ALCAM: variants seen among roughly 807,000 people sequenced by gnomAD.
The protein encoded by ALCAM is CD166 antigen.
ALCAM carries 30 observed loss-of-function variants against 70.9 expected under a neutral mutation model. The ratio of observed to expected loss-of-function variants is 0.42; its 90% CI spans 0.32 to 0.57. The LOEUF (loss-of-function observed/expected upper bound fraction) is 0.57, where lower values mean the gene tolerates loss of function less well. Ranked by LOEUF, ALCAM falls within the 20% of genes least tolerant of loss-of-function variation. ALCAM has a pLI of 0.11. For missense variants in ALCAM, 591 were observed against 695.1 expected (o/e 0.85, Z 1.68); for synonymous variants, 249 against 242.5 (o/e 1.03, Z -0.25).
At chr3:105,567,650 C>T (rs1490233096) in intron 14 of ALCAM, among the ~76,000 whole-genome samples, 1 of 152,090 alleles carries the variant, frequency 6.6e-6, no homozygotes, top group Non-Finnish European at 1.5e-5. Context: ...ACATTTTTTG[C>T]TGCTGATATT....
At chr3:105,524,828 T>C in intron 3 of ALCAM, 3 of 1,084,726 alleles carry the variant, frequency 2.8e-6, no homozygotes, top group Middle Eastern at 8.4e-4. Flanking sequence ...TACAAATAAG[T>C]GTTGTGTGAT....
At chr3:105,468,640 CT>C (rs1397053905) in intron 1 of ALCAM, among the ~76,000 whole-genome samples, 1 of 151,172 alleles carries the variant, frequency 6.6e-6, no homozygotes, top group Non-Finnish European at 1.5e-5. Context: ...TTTCTGTTCC[CT>C]TTCTGAAAAA....
intron 1 of ALCAM, among the ~76,000 whole-genome samples, chr3:105,421,043 A>G (rs533454564): frequency 5.4e-4 from 82 of 151,636 alleles, no homozygotes; most frequent in Non-Finnish European, 8.0e-4. Context: ...AATGATCTAT[A>G]GTAAATATTT....
chr3:105,542,616 T>C (rs1940146839), intron 8 of ALCAM, among the ~76,000 whole-genome samples: 1 of 151,878 alleles, frequency 6.6e-6, no homozygotes, highest in South Asian at 2.1e-4. Flanking sequence ...CTAGACATCA[T>C]CCACTACAAT....
chr3:105,566,145 G>A (rs994243713), intron 14 of ALCAM, among the ~76,000 whole-genome samples: 2 of 152,176 alleles, frequency 1.3e-5, no homozygotes, highest in Non-Finnish European at 2.9e-5. Flanking sequence ...AGCTAGCCCA[G>A]TGAAGCAACT....
chr3:105,404,985 G>C (rs1024563967), intron 1 of ALCAM, among the ~76,000 whole-genome samples: 1 of 151,984 alleles, frequency 6.6e-6, no homozygotes, highest in African/African-American at 2.4e-5. Flanking sequence ...AGTTAAAAAA[G>C]ACAAAGAGGG....
intron 1 of ALCAM, among the ~76,000 whole-genome samples, chr3:105,454,808 A>G (rs961360101): frequency 1.3e-5 from 2 of 151,686 alleles, no homozygotes; most frequent in African/African-American, 2.4e-5. Context: ...AGCTGGGACT[A>G]CAAGCACCAC....
At chr3:105,522,878 G>A (rs1443986668) in intron 2 of ALCAM, among the ~76,000 whole-genome samples, 15 of 152,152 alleles carry the variant, frequency 9.9e-5, no homozygotes, top group Admixed American at 9.2e-4. Flanking sequence ...GGTGGCTCAC[G>A]CCTGTAATCC....
chr3:105,451,048 A>G (rs1351932018), intron 1 of ALCAM, among the ~76,000 whole-genome samples: 1 of 151,374 alleles, frequency 6.6e-6, no homozygotes, highest in Non-Finnish European at 1.5e-5. Flanking sequence ...ATGAATAGAA[A>G]GGATAAATAG....
At chr3:105,412,071 T>C (rs1936403783) in intron 1 of ALCAM, among the ~76,000 whole-genome samples, 2 of 152,100 alleles carry the variant, frequency 1.3e-5, no homozygotes, top group African/African-American at 4.8e-5. Flanking sequence ...AGGCATTTAA[T>C]GTCAGGACTA....
At chr3:105,403,446 G>A (rs933728685) in intron 1 of ALCAM, among the ~76,000 whole-genome samples, 1 of 152,094 alleles carries the variant, frequency 6.6e-6, no homozygotes, top group Non-Finnish European at 1.5e-5. Context: ...AGCCTAAGCT[G>A]GTAGCTCCAC....
At chr3:105,559,358 GGTGGCTTT>G (rs1940585609) in intron 14 of ALCAM, among the ~76,000 whole-genome samples, 1 of 148,272 alleles carries the variant, frequency 6.7e-6, no homozygotes, top group South Asian at 2.1e-4. Flanking sequence ...CCATAAACGG[GGTGGCTTT>G]AAAAAAAAAC....
At chr3:105,395,986 T>C (rs978343290) in intron 1 of ALCAM, among the ~76,000 whole-genome samples, 4 of 151,958 alleles carry the variant, frequency 2.6e-5, no homozygotes, top group African/African-American at 9.7e-5. Flanking sequence ...GGGTCAGGTG[T>C]CCATTTAGGA....
At chr3:105,412,798 T>C (rs1936421837) in intron 1 of ALCAM, among the ~76,000 whole-genome samples, 1 of 152,088 alleles carries the variant, frequency 6.6e-6, no homozygotes, top group Admixed American at 6.6e-5. Context: ...ACAAAATACA[T>C]AATGTTCATC....
intron 1 of ALCAM, among the ~76,000 whole-genome samples, chr3:105,441,605 C>T (rs1366565560): frequency 6.6e-6 from 1 of 152,158 alleles, no homozygotes; most frequent in Non-Finnish European, 1.5e-5. Flanking sequence ...GCATCCTTCC[C>T]AACTTACTTC....
intron 1 of ALCAM, among the ~76,000 whole-genome samples, chr3:105,438,979 C>T (rs986871292): frequency 1.4e-4 from 21 of 151,978 alleles, no homozygotes; most frequent in African/African-American, 4.8e-4. Flanking sequence ...ATACTACAGA[C>T]GAAGGTATAT....
At chr3:105,367,932 C>T (rs1282086674) in intron 1 of ALCAM, among the ~76,000 whole-genome samples, 1 of 152,030 alleles carries the variant, frequency 6.6e-6, no homozygotes, top group African/African-American at 2.4e-5. Context: ...GTAACTTCCC[C>T]TTGGTGAGCC....
intron 1 of ALCAM, among the ~76,000 whole-genome samples, chr3:105,477,738 A>G (rs1938159535): frequency 1.3e-5 from 2 of 152,176 alleles, no homozygotes; most frequent in African/African-American, 4.8e-5. Flanking sequence ...TTTGGTATCA[A>G]TGCTCAGCTT....
intron 1 of ALCAM, among the ~76,000 whole-genome samples, chr3:105,383,077 T>G (rs1935567664): frequency 1.3e-5 from 2 of 151,800 alleles, no homozygotes; most frequent in Admixed American, 6.6e-5. Flanking sequence ...AAGAACACCC[T>G]TTGCTTCACA....
Sources: allele counts gnomAD v4.1 joint callset (sites outside exome capture counted in the v4.1 genomes callset), GRCh38; gene constraint gnomAD v4.1.1; transcripts MANE v1.5; gene names NCBI Gene and HGNC (gene_info 2026-07-23, HGNC 2026-07-21).